The following GMDS variants were observed in gnomAD, a reference collection of about 807,000 sequenced individuals.
GMDS encodes the protein GDP-mannose 4,6-dehydratase, also known as GDP-mannose 4,6 dehydratase.
In GMDS, 20 loss-of-function variants were observed where a neutral mutation model predicts 49.9. That is an observed-to-expected ratio of 0.40 (90% CI 0.28 to 0.58). GMDS has a LOEUF of 0.58. GMDS is among the 20% of genes least tolerant of loss of function. GMDS has a pLI of 0.42. For synonymous variants in GMDS, 177 were observed against 178.6 expected (o/e 0.99, Z 0.07); for missense variants, 362 against 481.4 (o/e 0.75, Z 2.32).
chr6:1,765,326 C>G (rs1434856841), intron 7 of GMDS, among the ~76,000 whole-genome samples: 1 of 152,062 alleles, frequency 6.6e-6, no homozygotes, highest in African/African-American at 2.4e-5. Flanking sequence ...CCAAGGCCAC[C>G]GCCTCTTTTC....
chr6:1,644,766 T>G (rs899366990), intron 9 of GMDS, among the ~76,000 whole-genome samples: 1 of 152,122 alleles, frequency 6.6e-6, no homozygotes, highest in African/African-American at 2.4e-5. Context: ...CTTGCACCTG[T>G]ACTGTGAGCC....
At chr6:1,814,818 C>T (rs1561821460) in intron 7 of GMDS, among the ~76,000 whole-genome samples, 1 of 151,958 alleles carries the variant, frequency 6.6e-6, no homozygotes, top group African/African-American at 2.4e-5. Flanking sequence ...TTATATAAAA[C>T]AAATTAAACA....
Position 1,758,535 on chromosome 6 carries a change from G to C in GMDS, c.772-15949C>G, listed in dbSNP as rs560905438. ...TGTTCTCAAACGTTAGCGTGCATTA[G>C]AATCATCTGTCAGGCTAGAAGTGTG... On this transcript the variant is annotated intron_variant, in intron 7 of 10. Coordinates refer to ENST00000380815, the MANE Select transcript of GMDS (RefSeq NM_001500.4). Among the ~76,000 whole-genome samples, 5 of 152,314 alleles carry C rather than the reference G, an allele frequency of 3.3e-5. No individual in the cohort carries two copies. The South Asian group carries it at 1.0e-3, about 32-fold the overall frequency.
intron 1 of GMDS, among the ~76,000 whole-genome samples, chr6:2,231,010 G>C (rs976805017): frequency 4.6e-5 from 6 of 131,478 alleles, no homozygotes; most frequent in African/African-American, 1.7e-4. Flanking sequence ...GGATGCCTAA[G>C]TCAACATTAT....
chr6:1,906,063 G>A (rs1256813339), intron 7 of GMDS, among the ~76,000 whole-genome samples: 1 of 151,966 alleles, frequency 6.6e-6, no homozygotes, highest in African/African-American at 2.4e-5. Context: ...ATCTTTACAT[G>A]AAACTACCAA....
intron 7 of GMDS, among the ~76,000 whole-genome samples, chr6:1,883,912 A>G (rs775483986): frequency 6.6e-6 from 1 of 152,214 alleles, no homozygotes; most frequent in Non-Finnish European, 1.5e-5. Context: ...AAAACTAGGC[A>G]TTTCCCAATC....
intron 9 of GMDS, among the ~76,000 whole-genome samples, chr6:1,680,527 G>A (rs896381072): frequency 7.6e-6 from 1 of 132,148 alleles, no homozygotes; most frequent in Non-Finnish European, 1.7e-5. Flanking sequence ...ATCCGGCACC[G>A]TGACCTGACT....
At chr6:1,871,281 G>A (rs941013614) in intron 7 of GMDS, among the ~76,000 whole-genome samples, 8 of 152,144 alleles carry the variant, frequency 5.3e-5, no homozygotes, top group African/African-American at 1.9e-4. Flanking sequence ...GTGATAATGT[G>A]CAAGCATAGA....
intron 4 of GMDS, among the ~76,000 whole-genome samples, chr6:2,001,758 G>A (rs928484028): frequency 5.9e-5 from 9 of 152,124 alleles, no homozygotes; most frequent in African/African-American, 1.2e-4. Flanking sequence ...GACTGATTTC[G>A]ACAAGAGTTG....
chr6:2,148,828 C>G lies in GMDS; in HGVS notation c.103-24097G>C, dbSNP rs116123441. On this transcript the variant is annotated intron_variant, in intron 1 of 10. Coordinates refer to ENST00000380815, the MANE Select transcript of GMDS (RefSeq NM_001500.4). ...TAGGAAGCTGTGTTTCATAAAAACC[C>G]CAAATCTGAGTAAGTCTATGGGAGC... Among the ~76,000 whole-genome samples the G allele has an allele frequency of 5.7e-3, 865 of 152,258 alleles. 2 individuals are homozygous for G. Among genetic ancestry groups the G allele is most frequent in the Middle Eastern group, 0.017 (5 of 294 alleles).
At chr6:1,929,066 A>G (rs955245072) in intron 7 of GMDS, among the ~76,000 whole-genome samples, 7 of 152,254 alleles carry the variant, frequency 4.6e-5, no homozygotes, top group Non-Finnish European at 7.3e-5. Flanking sequence ...CATAACAGAA[A>G]TCAGTATTAG....
rs1429174415 is a variant in GMDS, at chr6:1,933,652, G to C, written c.644-3422C>G. ...CAACTACCTTTTCATGTGCCTACTGGCCACTTGTATATCAATTTTGGAGAC... is the reference window on the plus strand; with the variant it reads ...CAACTACCTTTTCATGTGCCTACTGCCCACTTGTATATCAATTTTGGAGAC... On this transcript the variant is annotated intron_variant, in intron 6 of 10. Coordinates refer to ENST00000380815, the MANE Select transcript of GMDS (RefSeq NM_001500.4). Among the ~76,000 whole-genome samples, 3 of 152,226 alleles carry C rather than the reference G, an allele frequency of 2.0e-5. No individual in the cohort carries two copies. The East Asian group carries it at 5.8e-4, about 29-fold the overall frequency.
At chr6:2,214,024 C>T (rs946073598) in intron 1 of GMDS, among the ~76,000 whole-genome samples, 2 of 152,162 alleles carry the variant, frequency 1.3e-5, no homozygotes, top group South Asian at 4.1e-4. Context: ...TATGAATCCT[C>T]TTGTCATACC....
At chr6:2,144,460 G>C (rs560438670) in intron 1 of GMDS, among the ~76,000 whole-genome samples, 1 of 152,354 alleles carries the variant, frequency 6.6e-6, no homozygotes, top group Admixed American at 6.5e-5. Flanking sequence ...AGGGTGAACA[G>C]GTTAGGAGTG....
At chr6:2,078,956 A>G (rs1057242797) in intron 4 of GMDS, among the ~76,000 whole-genome samples, 10 of 143,680 alleles carry the variant, frequency 7.0e-5, no homozygotes, top group East Asian at 2.1e-4. Flanking sequence ...GGACACATAT[A>G]TATTTAGAGC....
At position 1,924,073 on chromosome 6, in the gene GMDS, C is replaced by A. The variant is rs185106913; in HGVS notation, c.771+6030G>T. On this transcript the variant is annotated intron_variant, in intron 7 of 10. Transcript: ENST00000380815. ...ACACCCTTTACTTCTTTACCTGATA[C>A]AGCCAATAGCATAGGTTCGGCAAGA... 2.6e-5 allele frequency among the ~76,000 whole-genome samples: 4 copies of A among 152,354 alleles called. No individual in the cohort carries two copies. The East Asian group carries it at 7.7e-4, about 29-fold the overall frequency.
chr6:2,078,744 T>A (rs1772494099), intron 4 of GMDS, among the ~76,000 whole-genome samples: 1 of 152,092 alleles, frequency 6.6e-6, no homozygotes, highest in Admixed American at 6.5e-5. Flanking sequence ...AGTTTTTGGA[T>A]AAAATGTTCT....
rs114872910 is a variant in GMDS at position 1,933,608 on chromosome 6, A to C, written c.644-3378T>G. ...ATTGTGGTTCCGATGTGTCCTTCTC[A>C]ATAACTAATCATATGAAGCAACTAC... On this transcript the variant is annotated intron_variant, in intron 6 of 10. Coordinates refer to ENST00000380815, the MANE Select transcript of GMDS (RefSeq NM_001500.4). 3.0e-3 allele frequency among the ~76,000 whole-genome samples: 454 copies of C among 152,352 alleles called. 1 individual carries two copies. The highest frequency in any genetic ancestry group is 4.4e-3 in the Non-Finnish European group (296 of 68,030).
At chr6:2,067,529 A>T (rs533006105) in intron 4 of GMDS, among the ~76,000 whole-genome samples, 79 of 152,216 alleles carry the variant, frequency 5.2e-4, no homozygotes, top group Middle Eastern at 6.8e-3. Context: ...AAGACTAATA[A>T]AGAAAAAAAG....
Sources: allele counts gnomAD v4.1 joint callset (sites outside exome capture counted in the v4.1 genomes callset), GRCh38; gene constraint gnomAD v4.1.1; transcripts MANE v1.5; gene names NCBI Gene and HGNC (gene_info 2026-07-23, HGNC 2026-07-21).